SLC25A29: variants seen among roughly 807,000 people sequenced by gnomAD.
SLC25A29 encodes the protein solute carrier family 25 member 29.
In SLC25A29, 13 loss-of-function variants were observed where a neutral mutation model predicts 10.0. The ratio of observed to expected loss-of-function variants is 1.30; its 90% CI spans 0.85 to 2.07. The LOEUF (loss-of-function observed/expected upper bound fraction) is 2.07, where lower values mean the gene tolerates loss of function less well. SLC25A29 is among the 30% of genes most tolerant of loss of function. The pLI is 0.00. For missense variants in SLC25A29, 475 were observed against 447.6 expected (o/e 1.06, Z -0.55); for synonymous variants, 244 against 221.1 (o/e 1.10, Z -0.92).
intron 1 of SLC25A29, 35 bp from the exon 2 acceptor site, chr14:100,298,920 C>A: frequency 6.2e-7 from 1 of 1,613,678 alleles, no homozygotes; most frequent in Non-Finnish European, 8.5e-7. Flanking sequence ...GACCCACATA[C>A]CTCAGAAACA....
At position 100,298,845 on chromosome 14, in the gene SLC25A29, G is replaced by A; in HGVS notation, c.75C>T (p.Val25=). The A allele has an allele frequency of 1.2e-6, 2 of 1,614,188 alleles. No individual in the cohort carries two copies. Among genetic ancestry groups the A allele is most frequent in the Non-Finnish European group, 1.7e-6 (2 of 1,180,030 alleles). The part of the protein sequence containing the change: ...GVLVGHPFDT[V]KVRLQVQSVE... ...AAAAAGCAGCGATGAGACTCACCTT[G>A]ACCGTGTCAAACGGGTGTCCCACAA... The change falls in exon 2 of 4, where the codon GTC becomes GTT. Residue 25 remains valine (V), a synonymous_variant. Transcript: ENST00000359232.
At chr14:100,295,652 C>T in intron 2 of SLC25A29, 1 of 1,289,500 alleles carries the variant, frequency 7.8e-7, no homozygotes, top group Non-Finnish European at 1.0e-6. Flanking sequence ...GAGGCTTACG[C>T]CCATCTACAA....
chr14:100,304,086 C>T (rs1892749185), intron 1 of SLC25A29, among the ~76,000 whole-genome samples: 1 of 152,114 alleles, frequency 6.6e-6, no homozygotes, highest in African/African-American at 2.4e-5. Flanking sequence ...AACACGTGAC[C>T]CACACTAGGC....
chr14:100,295,578 A>G (rs1449539368), intron 2 of SLC25A29: 2 of 1,282,058 alleles, frequency 1.6e-6, no homozygotes, highest in Non-Finnish European at 2.0e-6. Flanking sequence ...GATGGGCATG[A>G]CAGGGTGGGG....
At chr14:100,280,252 A>G in the SLC25A29 span, 2 of 152,240 alleles carry the variant, frequency 1.3e-5, no homozygotes, top group African/African-American at 4.8e-5. Flanking sequence ...TTGAAATGGT[A>G]TTCTAACAGT....
At chr14:100,301,503 A>G (rs1215836555) in intron 1 of SLC25A29, among the ~76,000 whole-genome samples, 1 of 151,524 alleles carries the variant, frequency 6.6e-6, no homozygotes, top group African/African-American at 2.4e-5. Context: ...TAATTTCAGC[A>G]AAGGGTTACT....
In SLC25A29 at chr14:100,306,313, C is replaced by T; in HGVS notation, c.-81G>A. 7.8e-7 allele frequency: 1 copy of T among 1,281,154 alleles called. No individual in the cohort carries two copies. Among genetic ancestry groups the T allele is most frequent in the Non-Finnish European group, 9.9e-7 (1 of 1,012,704 alleles). The allele number at this position is 1,281,154 out of a possible 1,614,324, so 79.4% of individuals were successfully genotyped here. A position where few individuals can be genotyped will look rare whatever the true frequency, so the allele number is the denominator to read the frequency against. On this transcript the variant is annotated 5_prime_UTR_variant, in exon 1 of 4. Coordinates refer to ENST00000359232, the MANE Select transcript of SLC25A29 (RefSeq NM_001039355.3). ...GCCGGGCTGGGCGCCGTCGGGGTCC[C>T]CGAGCGCGCGGTGCCGGGGCTGGGC...
chr14:100,280,822 G>A, the SLC25A29 span: 3 of 152,016 alleles, frequency 2.0e-5, no homozygotes, highest in South Asian at 4.1e-4. Context: ...ACTGCCCCAC[G>A]TCCGTTTGCA....
At chr14:100,280,816 C>T in the SLC25A29 span, 2 of 152,056 alleles carry the variant, frequency 1.3e-5, no homozygotes, top group African/African-American at 4.8e-5. Context: ...TGGAGGACTG[C>T]CCCACGTCCG....
At position 100,295,751 on chromosome 14, in the gene SLC25A29, C is replaced by T. The variant is rs894709020; in HGVS notation, c.79-2374G>A. 3.6e-5 allele frequency: 47 copies of T among 1,289,414 alleles called. No individual in the cohort carries two copies. In the African/African-American group the frequency reaches 7.1e-4, roughly 20 times the overall value. 79.9% of individuals were successfully genotyped at this position (1,289,414 alleles called of 1,614,324 possible). A position where few individuals can be genotyped will look rare whatever the true frequency, so the allele number is the denominator to read the frequency against. ...CAACACAAAATTTCAACATCACATCCAGGCGCGGAGCCCCCACAGCCAGCC... is the reference window on the plus strand; with the variant it reads ...CAACACAAAATTTCAACATCACATCTAGGCGCGGAGCCCCCACAGCCAGCC... On this transcript the variant is annotated intron_variant, in intron 2 of 3. Coordinates refer to ENST00000359232, the MANE Select transcript of SLC25A29 (RefSeq NM_001039355.3).
chr14:100,286,762 A>G (rs1279386352), downstream of SLC25A29, among the ~76,000 whole-genome samples: 1 of 152,200 alleles, frequency 6.6e-6, no homozygotes, highest in East Asian at 1.9e-4. Context: ...GCAGCAAGGA[A>G]GCTGAGACCC....
Position 100,300,290 on chromosome 14 carries a change from C to T in SLC25A29, c.35-1405G>A, listed in dbSNP as rs555866804. ...TTTCAAAAAGAAAAAAAAGTTTGGA[C>T]CCTAAAACCCACTTGATACTCACTT... On this transcript the variant is annotated intron_variant, in intron 1 of 3. Transcript: ENST00000359232. Among the ~76,000 whole-genome samples, 11 of 152,266 alleles carry T rather than the reference C, an allele frequency of 7.2e-5. No homozygotes were observed. In the South Asian group the frequency reaches 1.9e-3, roughly 26 times the overall value.
the SLC25A29 span, among the ~76,000 whole-genome samples, chr14:100,284,191 G>T: frequency 3.9e-5 from 6 of 152,152 alleles, no homozygotes; most frequent in African/African-American, 1.4e-4. Flanking sequence ...CAAAGCCCAA[G>T]CCTGCCTGGC....
At chr14:100,303,560 G>A (rs140698341) in intron 1 of SLC25A29, among the ~76,000 whole-genome samples, 9 of 152,338 alleles carry the variant, frequency 5.9e-5, no homozygotes, top group Non-Finnish European at 7.3e-5. Context: ...ACCCTTCGGC[G>A]AGGGGCTTGG....
downstream of SLC25A29, among the ~76,000 whole-genome samples, chr14:100,287,481 G>A (rs1891566177): frequency 6.6e-6 from 1 of 152,112 alleles, no homozygotes; most frequent in African/African-American, 2.4e-5. Context: ...GGTCAAGGAA[G>A]GAGCCATAAA....
chr14:100,302,811 T>C (rs1009879185), intron 1 of SLC25A29, among the ~76,000 whole-genome samples: 1 of 151,956 alleles, frequency 6.6e-6, no homozygotes, highest in Non-Finnish European at 1.5e-5. Flanking sequence ...ATGGTTTATT[T>C]ATTCTGTGGG....
downstream of SLC25A29, among the ~76,000 whole-genome samples, chr14:100,289,183 G>C (rs141768903): frequency 5.9e-4 from 90 of 152,372 alleles, 1 homozygote; most frequent in Non-Finnish European, 1.0e-3. Flanking sequence ...TGCAGCTGGA[G>C]TGTGGCCTTC....
At chr14:100,296,151 C>G in intron 2 of SLC25A29, 1 of 694,862 alleles carries the variant, frequency 1.4e-6, no homozygotes, top group Non-Finnish European at 2.1e-6. Context: ...GAAGTGAGGA[C>G]AGTGGGCCAG....
In SLC25A29 at chr14:100,292,339, C is replaced by G; in HGVS notation, c.856G>C (p.Glu286Gln). The change falls in exon 4 of 4, where the codon GAG (glutamate) becomes CAG (glutamine). Residue 286 changes from glutamate to glutamine, a missense_variant. Transcript: ENST00000359232. The stretch of plus-strand genomic sequence containing the variant: ...CCCGCAGGGGCGGCGGGCACAGCCT[C>G]GCCCTCGGGCCCGGCCTCCTCGCCG... ...ARGEEAGPEG[E>Q]AVPAAPAGPA... 2 of 1,494,564 alleles carry G rather than the reference C, an allele frequency of 1.3e-6. No homozygotes were observed. The highest frequency in any genetic ancestry group is 1.8e-6 in the Non-Finnish European group (2 of 1,127,558). The allele number at this position is 1,494,564 out of a possible 1,614,324, so 92.6% of individuals were successfully genotyped here.
Sources: gnomAD v4.1 joint callset for allele counts (sites outside exome capture counted in the v4.1 genomes callset) on GRCh38, gnomAD v4.1.1 for gene constraint, MANE v1.5 for transcripts, NCBI Gene and HGNC (gene_info 2026-07-23, HGNC 2026-07-21) for gene names.